Variants in MON2 observed in about 807,000 individuals in gnomAD.
MON2 encodes MON2 regulator of endosome-to-Golgi trafficking, also known as protein MON2 homolog.
Under a neutral mutation model 208.6 loss-of-function variants are expected in MON2, and 84 were observed. The observed-to-expected ratio is 0.40, with a 90% CI of 0.34 to 0.48. The LOEUF is 0.48. MON2 is among the 20% of genes least tolerant of loss of function. The pLI, the probability that MON2 is intolerant of heterozygous loss-of-function variation, is 0.59. For synonymous variants in MON2, 660 were observed against 694.0 expected (o/e 0.95, Z 0.77); for missense variants, 1,611 against 2,015.4 (o/e 0.80, Z 3.84).
intron 19 of MON2, among the ~76,000 whole-genome samples, chr12:62,541,521 CTTATT>C (rs1450615714): frequency 1.3e-5 from 2 of 152,126 alleles, no homozygotes; most frequent in Admixed American, 6.5e-5. Flanking sequence ...CAAGCACTAA[CTTATT>C]TTATCATTTA....
At chr12:62,579,887 A>C (rs1376020444) in intron 31 of MON2, among the ~76,000 whole-genome samples, 1 of 152,268 alleles carries the variant, frequency 6.6e-6, no homozygotes, top group Non-Finnish European at 1.5e-5. Context: ...ACAAAAATGA[A>C]TATAACTTTA....
chr12:62,494,972 C>T (rs745519224), intron 3 of MON2, 44 bp from the exon 4 acceptor site: 1 of 1,439,426 alleles, frequency 6.9e-7, no homozygotes, highest in Admixed American at 1.8e-5. Flanking sequence ...ACATCAACAT[C>T]TATATTGTAT....
chr12:62,540,662 G>A (rs6581454), intron 19 of MON2, among the ~76,000 whole-genome samples: 80,346 of 151,940 alleles, frequency 0.53, 21,613 homozygotes, highest in Middle Eastern at 0.62. Flanking sequence ...AAATGGATAC[G>A]CTGAGTAAAA....
At chr12:62,541,503 C>T (rs2073242139) in intron 19 of MON2, among the ~76,000 whole-genome samples, 1 of 152,044 alleles carries the variant, frequency 6.6e-6, no homozygotes, top group African/African-American at 2.4e-5. Context: ...TCACTGTTTA[C>T]TGTATGCCAA....
rs757486354 is a variant in MON2 at position 62,553,073 on chromosome 12, C to T, written c.3109C>T (p.Arg1037Cys). ...AKLGELCVDP[R>C]PAVRKSAGQT... ...ATTGGGTGAACTATGTGTGGATCCC[C>T]GTCCTGCTGTCAGGAAGAGTGCAGG... The change falls in exon 24 of 35, where the codon CGT becomes TGT. Residue 1037 changes from arginine (R) to cysteine (C), a missense_variant. Transcript: ENST00000393630. The T allele has an allele frequency of 2.4e-5, 39 of 1,613,886 alleles. No homozygotes were observed. The highest frequency in any genetic ancestry group is 2.8e-5 in the Non-Finnish European group (33 of 1,179,962).
chr12:62,572,690 T>A (rs1467048766), intron 30 of MON2, among the ~76,000 whole-genome samples: 1 of 152,134 alleles, frequency 6.6e-6, no homozygotes, highest in Non-Finnish European at 1.5e-5. Context: ...GCTCAAGTGA[T>A]CCTCCCACTT....
chr12:62,488,046 G>A (rs998674625), intron 2 of MON2, among the ~76,000 whole-genome samples: 7 of 152,106 alleles, frequency 4.6e-5, no homozygotes, highest in Non-Finnish European at 8.8e-5. Flanking sequence ...CTCTTTAAAT[G>A]TAGGCTAATA....
chr12:62,474,767 T>C (rs917062537), intron 1 of MON2, among the ~76,000 whole-genome samples: 2 of 152,096 alleles, frequency 1.3e-5, no homozygotes, highest in African/African-American at 4.8e-5. Context: ...CCTCAAAACG[T>C]CATTTTCCCC....
intron 8 of MON2, among the ~76,000 whole-genome samples, chr12:62,522,765 C>G (rs2072122865): frequency 6.6e-6 from 1 of 152,174 alleles, no homozygotes; most frequent in African/African-American, 2.4e-5. Flanking sequence ...GTGTTCAGTG[C>G]TCTCAACACT....
intron 2 of MON2, among the ~76,000 whole-genome samples, chr12:62,487,119 A>C (rs933021034): frequency 2.6e-5 from 4 of 152,158 alleles, no homozygotes; most frequent in African/African-American, 7.2e-5. Flanking sequence ...ATGCTATGCC[A>C]GGTAATGTCA....
chr12:62,468,509 G>C (rs1257909400), intron 1 of MON2, among the ~76,000 whole-genome samples: 3 of 152,138 alleles, frequency 2.0e-5, no homozygotes, highest in Admixed American at 6.5e-5. Flanking sequence ...TTTTAGGCTT[G>C]TAAGGAATAT....
chr12:62,555,167 CATTTA>C (rs1157443002), intron 24 of MON2, among the ~76,000 whole-genome samples: 1 of 151,634 alleles, frequency 6.6e-6, no homozygotes, highest in Admixed American at 6.6e-5. Context: ...ATATTTTATC[CATTTA>C]ATTTAATTTA....
At chr12:62,569,811 T>C (rs565377706) in intron 29 of MON2, among the ~76,000 whole-genome samples, 94 of 152,248 alleles carry the variant, frequency 6.2e-4, no homozygotes, top group African/African-American at 2.2e-3. Flanking sequence ...AGGGGATAAA[T>C]AGATTCTGGG....
Position 62,501,558 on chromosome 12 carries a change from G to A in MON2, c.664-15G>A, listed in dbSNP as rs554823632. 1.0e-4 allele frequency: 163 copies of A among 1,610,470 alleles called. No homozygotes were observed. The highest frequency in any genetic ancestry group is 2.2e-4 in the Admixed American group (13 of 59,650). ...TTAATTCTAGCATGTGAAATTGTTCGATTTATTTTCCCAGGATCTTTGTCA... is the reference window on the plus strand; with the variant it reads ...TTAATTCTAGCATGTGAAATTGTTCAATTTATTTTCCCAGGATCTTTGTCA... On this transcript the variant is annotated splice_polypyrimidine_tract_variant and intron_variant, in intron 6 of 34. Coordinates refer to ENST00000393630, the MANE Select transcript of MON2 (RefSeq NM_015026.3).
intron 1 of MON2, among the ~76,000 whole-genome samples, chr12:62,483,581 T>C (rs558476727): frequency 6.4e-4 from 97 of 152,146 alleles, no homozygotes; most frequent in Non-Finnish European, 1.2e-3. Context: ...CCAGGCATGG[T>C]GGTGGGTGCC....
Position 62,500,822 on chromosome 12 carries a change from A to G in MON2, c.605A>G (p.Asn202Ser). 1 of 1,596,668 alleles carries G rather than the reference A, an allele frequency of 6.3e-7. No homozygotes were observed. Among genetic ancestry groups the G allele is most frequent in the Non-Finnish European group, 8.5e-7 (1 of 1,172,270 alleles). ...EQPVLVQGNS[N>S]RRSVSTLKPC... is the part of the protein sequence containing the mutation. The stretch of plus-strand genomic sequence containing the variant: ...CCAGTACTGGTACAAGGAAATAGTA[A>G]CAGAAGATCTGTCAGTACCCTCAAA... Residue 202 changes from asparagine to serine, a missense_variant, in exon 6 of 35, where the codon AAC becomes AGC. Coordinates refer to ENST00000393630, the MANE Select transcript of MON2 (RefSeq NM_015026.3).
At chr12:62,499,332 T>C (rs964294285) in intron 5 of MON2, among the ~76,000 whole-genome samples, 3 of 152,184 alleles carry the variant, frequency 2.0e-5, no homozygotes, top group African/African-American at 7.2e-5. Context: ...GAATTTTTCA[T>C]GTTATTGCTT....
chr12:62,488,649 T>C (rs1391436651), intron 2 of MON2, among the ~76,000 whole-genome samples: 1 of 152,136 alleles, frequency 6.6e-6, no homozygotes, highest in African/African-American at 2.4e-5. Context: ...ATTTCTAAAA[T>C]CCAGGCTAGA....
intron 25 of MON2, among the ~76,000 whole-genome samples, chr12:62,558,420 C>T (rs558245308): frequency 5.3e-4 from 81 of 151,824 alleles, no homozygotes; most frequent in Non-Finnish European, 1.0e-3. Flanking sequence ...ATTATATCTA[C>T]TCTTTTAAAG....
Sources: allele counts gnomAD v4.1 joint callset (sites outside exome capture counted in the v4.1 genomes callset), GRCh38; gene constraint gnomAD v4.1.1; transcripts MANE v1.5; gene names NCBI Gene and HGNC (gene_info 2026-07-23, HGNC 2026-07-21).